Variants in DSCAM observed in about 807,000 individuals in gnomAD.
DSCAM encodes cell adhesion molecule DSCAM.
DSCAM carries 47 observed loss-of-function variants against 217.7 expected under a neutral mutation model. The observed-to-expected ratio is 0.22, with a 90% CI of 0.17 to 0.28. The LOEUF (loss-of-function observed/expected upper bound fraction) is 0.28, where lower values mean the gene tolerates loss of function less well. Among genes scored for constraint, DSCAM ranks in the 10% least tolerant of loss-of-function variants. The pLI, the probability that DSCAM is intolerant of heterozygous loss-of-function variation, is 1.00. For missense variants in DSCAM, 2,080 were observed against 2,618.3 expected (o/e 0.79, Z 4.49); for synonymous variants, 1,056 against 1,015.3 (o/e 1.04, Z -0.76).
intron 11 of DSCAM, among the ~76,000 whole-genome samples, chr21:40,206,305 G>T (rs1157493362): frequency 5.9e-5 from 9 of 151,940 alleles, no homozygotes; most frequent in African/African-American, 1.7e-4. Flanking sequence ...CTGGGGAAAA[G>T]CACCTGAGGC....
chr21:40,525,445 G>T (rs2837672), intron 3 of DSCAM, among the ~76,000 whole-genome samples: 12,692 of 152,176 alleles, frequency 0.083, 657 homozygotes, highest in Middle Eastern at 0.16. Flanking sequence ...CACCACGGGG[G>T]TTCATCATAC....
Position 40,024,828 on chromosome 21 carries a change from T to G in DSCAM, c.5687-11442A>C, listed in dbSNP as rs536496999. ...ATGTCATCTGCAAACAGGGACAATT[T>G]GACTTCCTCTTTTCCTAATTGAATA... On this transcript the variant is annotated intron_variant, in intron 32 of 32. Transcript: ENST00000400454. 3.4e-3 allele frequency among the ~76,000 whole-genome samples: 274 copies of G among 81,158 alleles called. 55 individuals carry two copies. The South Asian group carries it at 0.052, about 15-fold the overall frequency. 53.2% of individuals were successfully genotyped at this position (81,158 alleles called of 152,430 possible).
At chr21:40,555,033 A>T (rs534677536) in intron 3 of DSCAM, among the ~76,000 whole-genome samples, 2 of 152,084 alleles carry the variant, frequency 1.3e-5, no homozygotes, top group Admixed American at 6.6e-5. Context: ...TAAAAGAATG[A>T]GTGAGTGAGT....
At chr21:40,242,836 G>A (rs1047365288) in intron 11 of DSCAM, among the ~76,000 whole-genome samples, 16 of 152,186 alleles carry the variant, frequency 1.1e-4, no homozygotes, top group Admixed American at 6.5e-4. Flanking sequence ...AGGTTGCTGC[G>A]TACTGAGCAG....
At chr21:40,151,395 G>T (rs1399931589) in intron 16 of DSCAM, among the ~76,000 whole-genome samples, 1 of 151,668 alleles carries the variant, frequency 6.6e-6, no homozygotes, top group Non-Finnish European at 1.5e-5. Flanking sequence ...CTCCTCTAGT[G>T]GCCACCATTC....
chr21:40,459,150 C>T (rs1216468765), intron 3 of DSCAM, among the ~76,000 whole-genome samples: 4 of 151,784 alleles, frequency 2.6e-5, no homozygotes, highest in Admixed American at 2.0e-4. Context: ...TCAATGCATT[C>T]GAAAACAGAA....
chr21:40,414,935 A>C (rs1460773160), intron 3 of DSCAM, among the ~76,000 whole-genome samples: 2 of 152,212 alleles, frequency 1.3e-5, no homozygotes, highest in South Asian at 4.1e-4. Context: ...ACCAAGAGAC[A>C]ATTTTCTTAC....
At chr21:40,261,865 C>T (rs28372175) in intron 11 of DSCAM, among the ~76,000 whole-genome samples, 8,304 of 152,038 alleles carry the variant, frequency 0.055, 300 homozygotes, top group Non-Finnish European at 0.082. Flanking sequence ...TATGTTGAAG[C>T]CCTAACCAAT....
chr21:40,717,977 C>T (rs925947885), intron 1 of DSCAM, among the ~76,000 whole-genome samples: 3 of 151,904 alleles, frequency 2.0e-5, no homozygotes, highest in Non-Finnish European at 4.4e-5. Context: ...GCCAGCTGGG[C>T]ATTGGTGGTG....
chr21:40,827,468 C>CAA (rs55906607), intron 1 of DSCAM, among the ~76,000 whole-genome samples: 5,883 of 56,824 alleles, frequency 0.1, 475 homozygotes, highest in African/African-American at 0.28. Flanking sequence ...GTCCATGTCT[C>CAA]AAAAAAAAAA....
At chr21:40,235,714 G>A (rs1236030648) in intron 11 of DSCAM, among the ~76,000 whole-genome samples, 1 of 151,832 alleles carries the variant, frequency 6.6e-6, no homozygotes, top group Admixed American at 6.6e-5. Context: ...TCACTCCCAA[G>A]GACATTGCAG....
At chr21:40,620,007 GAAAAAAGAAAA>G (rs2089461136) in intron 3 of DSCAM, among the ~76,000 whole-genome samples, 11 of 81,764 alleles carry the variant, frequency 1.3e-4, no homozygotes, top group African/African-American at 4.3e-4. Context: ...GAAAGAGAGA[GAAAAAAGAAAA>G]AGAAAGAAAG....
At chr21:40,023,295 T>A (rs926564734) in intron 32 of DSCAM, among the ~76,000 whole-genome samples, 2 of 152,168 alleles carry the variant, frequency 1.3e-5, no homozygotes, top group Non-Finnish European at 2.9e-5. Context: ...TGGTTCCAAG[T>A]CTTTGCTATT....
intron 3 of DSCAM, among the ~76,000 whole-genome samples, chr21:40,443,710 A>C (rs2145917780): frequency 6.6e-6 from 1 of 152,340 alleles, no homozygotes; most frequent in Non-Finnish European, 1.5e-5. Flanking sequence ...AAGGAAAGGT[A>C]ATGTCCTCAT....
At chr21:40,018,779 T>C (rs2088210043) in intron 32 of DSCAM, among the ~76,000 whole-genome samples, 1 of 152,202 alleles carries the variant, frequency 6.6e-6, no homozygotes, top group South Asian at 2.1e-4. Context: ...GAAATAAAAA[T>C]CCTTCCTAAT....
intron 1 of DSCAM, among the ~76,000 whole-genome samples, chr21:40,715,552 A>G (rs1323281470): frequency 2.6e-5 from 4 of 152,242 alleles, no homozygotes; most frequent in Admixed American, 2.0e-4. Context: ...TCTCCCAACC[A>G]TAACTAAAGT....
chr21:40,250,895 C>G (rs933429882), intron 11 of DSCAM, among the ~76,000 whole-genome samples: 2 of 152,226 alleles, frequency 1.3e-5, no homozygotes, highest in Non-Finnish European at 2.9e-5. Flanking sequence ...CCTGCATCTC[C>G]AAGACCCTGT....
chr21:40,610,212 TG>T (rs1027735209), intron 3 of DSCAM, among the ~76,000 whole-genome samples: 3 of 152,056 alleles, frequency 2.0e-5, no homozygotes, highest in African/African-American at 7.2e-5. Context: ...AAGAAAAAAA[TG>T]CCCACATTTC....
intron 8 of DSCAM, among the ~76,000 whole-genome samples, chr21:40,327,771 T>C (rs902750658): frequency 6.6e-6 from 1 of 152,150 alleles, no homozygotes; most frequent in Non-Finnish European, 1.5e-5. Context: ...TTAAATTTTG[T>C]CAAGTATTTT....
Sources: gnomAD v4.1 joint callset for allele counts (sites outside exome capture counted in the v4.1 genomes callset) on GRCh38, gnomAD v4.1.1 for gene constraint, MANE v1.5 for transcripts, NCBI Gene and HGNC (gene_info 2026-07-23, HGNC 2026-07-21) for gene names.